The following LRRK1 variants were observed in gnomAD, a reference collection of about 807,000 sequenced individuals.
The protein encoded by LRRK1 is leucine rich repeat kinase 1.
LRRK1 carries 113 observed loss-of-function variants against 209.1 expected under a neutral mutation model. That is an observed-to-expected ratio of 0.54 (90% CI 0.46 to 0.63). LRRK1 has a LOEUF of 0.63. Ranked by LOEUF, LRRK1 falls within the 30% of genes least tolerant of loss-of-function variation. The pLI is 0.00. For synonymous variants in LRRK1, 1,144 were observed against 1,099.7 expected (o/e 1.04, Z -0.80); for missense variants, 2,284 against 2,632.2 (o/e 0.87, Z 2.89).
intron 6 of LRRK1, among the ~76,000 whole-genome samples, chr15:100,997,668 C>T (rs2032482975): frequency 6.6e-6 from 1 of 152,220 alleles, no homozygotes; most frequent in South Asian, 2.1e-4. Context: ...ACACCAGGGT[C>T]TTGCTGCTGG....
intron 4 of LRRK1, among the ~76,000 whole-genome samples, chr15:100,984,094 A>G (rs375420927): frequency 2.0e-5 from 3 of 152,206 alleles, no homozygotes; most frequent in African/African-American, 7.2e-5. Flanking sequence ...AAGAATATCT[A>G]GGTAAGAGAG....
chr15:101,018,346 G>T (rs2033636623), intron 12 of LRRK1, among the ~76,000 whole-genome samples: 1 of 152,186 alleles, frequency 6.6e-6, no homozygotes, highest in Admixed American at 6.5e-5. Context: ...TTTTATAAAT[G>T]AAGAGCCTTA....
chr15:101,067,373 A>C, intron 33 of LRRK1: 1 of 447,562 alleles, frequency 2.2e-6, no homozygotes, highest in Non-Finnish European at 4.5e-6. Flanking sequence ...CACTTTGACT[A>C]CCGAGCCCCA....
chr15:101,062,012 G>C (rs1447335626), intron 30 of LRRK1, among the ~76,000 whole-genome samples: 1 of 152,220 alleles, frequency 6.6e-6, no homozygotes, highest in African/African-American at 2.4e-5. Flanking sequence ...AGAAATCTCA[G>C]TGTTAAGAAA....
intron 9 of LRRK1, among the ~76,000 whole-genome samples, chr15:101,011,302 A>C (rs2033226716): frequency 1.3e-5 from 2 of 148,546 alleles, no homozygotes; most frequent in South Asian, 4.2e-4. Flanking sequence ...CCCCGTCTCT[A>C]CTAAAATTAA....
chr15:101,058,795 A>AAACTC (rs1426547732), intron 29 of LRRK1, among the ~76,000 whole-genome samples: 1 of 151,966 alleles, frequency 6.6e-6, no homozygotes, highest in Admixed American at 6.5e-5. Flanking sequence ...GTTAAAAAAA[A>AAACTC]AACTCAAGAG....
At chr15:100,923,337 C>T (rs1006062406) in intron 1 of LRRK1, among the ~76,000 whole-genome samples, 10 of 152,194 alleles carry the variant, frequency 6.6e-5, no homozygotes, top group Admixed American at 5.2e-4. Flanking sequence ...TTAACGTCCA[C>T]GCTATGCTTT....
chr15:100,972,234 A>G (rs1167766001), intron 2 of LRRK1, among the ~76,000 whole-genome samples: 1 of 151,938 alleles, frequency 6.6e-6, no homozygotes, highest in Non-Finnish European at 1.5e-5. Context: ...AAGTGCTGGG[A>G]TTACAGGCAT....
intron 24 of LRRK1, 27 bp from the exon 25 acceptor site, chr15:101,052,895 G>A: frequency 3.1e-6 from 5 of 1,596,488 alleles, no homozygotes; most frequent in Non-Finnish European, 4.3e-6. Flanking sequence ...CGGGGGGGAT[G>A]TGGCTGATGC....
chr15:100,965,497 C>A (rs148935698), intron 2 of LRRK1, among the ~76,000 whole-genome samples: 1 of 152,324 alleles, frequency 6.6e-6, no homozygotes, highest in Non-Finnish European at 1.5e-5. Context: ...ACAGTGAAGA[C>A]TAACACTTAT....
chr15:100,981,449 T>C (rs2031594962), intron 3 of LRRK1, among the ~76,000 whole-genome samples: 3 of 152,092 alleles, frequency 2.0e-5, no homozygotes, highest in Non-Finnish European at 4.4e-5. Flanking sequence ...AATGTATGAG[T>C]CTACCGTCCT....
chr15:101,017,869 G>A (rs1372691604), intron 12 of LRRK1, among the ~76,000 whole-genome samples: 2 of 151,696 alleles, frequency 1.3e-5, no homozygotes, highest in African/African-American at 4.8e-5. Context: ...CTGGAAGGGG[G>A]ACAAAACACG....
rs574029795 is a variant in LRRK1 at position 101,074,277 on chromosome 15, A to T, written c.*5429A>T. 146 of 151,918 alleles carry T rather than the reference A, an allele frequency of 9.6e-4. No homozygotes were observed. The highest frequency in any genetic ancestry group is 3.4e-3 in the African/African-American group (141 of 41,428). 9.4% of individuals were successfully genotyped at this position (151,918 alleles called of 1,614,324 possible). The stretch of plus-strand genomic sequence containing the variant: ...CTCAGCCTCCGCTCCTCCACCATAT[A>T]ATCTTTTTATCACCTCCCCTCCTCA... On this transcript the variant is annotated 3_prime_UTR_variant, in exon 34 of 34. Coordinates refer to ENST00000388948, the MANE Select transcript of LRRK1 (RefSeq NM_024652.6).
chr15:100,991,626 C>T (rs1314319469), intron 6 of LRRK1, among the ~76,000 whole-genome samples: 1 of 152,076 alleles, frequency 6.6e-6, no homozygotes, highest in African/African-American at 2.4e-5. Context: ...TAGAATTCCT[C>T]AATACTTTTG....
chr15:101,034,207 T>C (rs1287718804), intron 20 of LRRK1, among the ~76,000 whole-genome samples: 1 of 152,196 alleles, frequency 6.6e-6, no homozygotes, highest in Non-Finnish European at 1.5e-5. Flanking sequence ...ATTCAACAGG[T>C]CTCTTCACTC....
At chr15:100,957,588 T>C (rs1315469577) in intron 2 of LRRK1, among the ~76,000 whole-genome samples, 1 of 152,268 alleles carries the variant, frequency 6.6e-6, no homozygotes, top group Admixed American at 6.5e-5. Context: ...TGAAAGTCTA[T>C]TCAGTCTGGT....
At chr15:101,037,056 G>A (rs1329172202) in intron 20 of LRRK1, among the ~76,000 whole-genome samples, 2 of 152,148 alleles carry the variant, frequency 1.3e-5, no homozygotes, top group African/African-American at 4.8e-5. Flanking sequence ...AGTGTTAGAG[G>A]GTCCAGACAG....
chr15:101,021,286 C>T (rs1006271203), intron 13 of LRRK1, 104 bp downstream of exon 13: 42 of 1,272,016 alleles, frequency 3.3e-5, no homozygotes, highest in Non-Finnish European at 4.4e-5. Flanking sequence ...AGAAAGAAGC[C>T]ATCTACTTTC....
intron 20 of LRRK1, among the ~76,000 whole-genome samples, chr15:101,035,906 A>G (rs766979960): frequency 1.6e-4 from 25 of 152,144 alleles, no homozygotes; most frequent in Non-Finnish European, 3.2e-4. Flanking sequence ...GGATCCCTTG[A>G]GCAGTTCTTA....
Sources: gnomAD v4.1 joint callset for allele counts (sites outside exome capture counted in the v4.1 genomes callset) on GRCh38, gnomAD v4.1.1 for gene constraint, MANE v1.5 for transcripts, NCBI Gene and HGNC (gene_info 2026-07-23, HGNC 2026-07-21) for gene names.